Variants in PHF2 observed in about 807,000 individuals in gnomAD.
The protein encoded by PHF2 is lysine-specific demethylase PHF2.
Under a neutral mutation model 120.5 loss-of-function variants are expected in PHF2, and 27 were observed. The observed-to-expected ratio is 0.22, with a 90% CI of 0.17 to 0.31. The LOEUF (loss-of-function observed/expected upper bound fraction) is 0.31. Ranked by LOEUF, PHF2 falls within the 10% of genes least tolerant of loss-of-function variation. The pLI is 1.00. For synonymous variants in PHF2, 568 were observed against 592.5 expected, an observed-to-expected ratio of 0.96 and a Z score of 0.60; for missense variants, 1,024 against 1,434.8, an observed-to-expected ratio of 0.71 and a Z score of 4.63.
chr9:93,619,741 G>A (rs1389425433), intron 1 of PHF2, among the ~76,000 whole-genome samples: 6 of 152,284 alleles, frequency 3.9e-5, no homozygotes, highest in East Asian at 1.9e-4. Context: ...TTTGCACTTC[G>A]GCCAACAAGC....
At chr9:93,652,103 G>A (rs1322202871) in intron 5 of PHF2, among the ~76,000 whole-genome samples, 1 of 152,142 alleles carries the variant, frequency 6.6e-6, no homozygotes, top group African/African-American at 2.4e-5. Context: ...CTCTGCTTGT[G>A]ATTTGTGACA....
intron 2 of PHF2, among the ~76,000 whole-genome samples, chr9:93,635,939 C>T (rs755375971): frequency 7.2e-5 from 11 of 151,902 alleles, no homozygotes; most frequent in Non-Finnish European, 1.2e-4. Context: ...GGGGAGGAGA[C>T]GGAACAAGAT....
intron 1 of PHF2, among the ~76,000 whole-genome samples, chr9:93,577,332 C>T (rs1250281972): frequency 6.6e-6 from 1 of 151,828 alleles, no homozygotes; most frequent in East Asian, 2.0e-4. Flanking sequence ...GAGAAGCGGG[C>T]GCGCAGCCCG....
At chr9:93,589,777 C>T (rs974575170) in intron 1 of PHF2, among the ~76,000 whole-genome samples, 2 of 152,182 alleles carry the variant, frequency 1.3e-5, no homozygotes, top group African/African-American at 4.8e-5. Flanking sequence ...CCTGTCTCCC[C>T]GTTCTTCTCT....
At chr9:93,577,666 G>A (rs1448726915) in intron 1 of PHF2, among the ~76,000 whole-genome samples, 2 of 152,158 alleles carry the variant, frequency 1.3e-5, no homozygotes, top group Non-Finnish European at 2.9e-5. Context: ...CGGCAGGAAC[G>A]CCGGTTTTGA....
At chr9:93,610,955 T>C (rs896821684) in intron 1 of PHF2, among the ~76,000 whole-genome samples, 1 of 152,218 alleles carries the variant, frequency 6.6e-6, no homozygotes, top group African/African-American at 2.4e-5. Flanking sequence ...GTGTCCTTGT[T>C]TCACAGATCA....
chr9:93,612,360 T>G (rs1825651339), intron 1 of PHF2, among the ~76,000 whole-genome samples: 1 of 152,242 alleles, frequency 6.6e-6, no homozygotes, highest in Admixed American at 6.5e-5. Flanking sequence ...GAATGCTTGT[T>G]GGTCTGTGGC....
chr9:93,610,044 G>A (rs1213981137), intron 1 of PHF2, among the ~76,000 whole-genome samples: 3 of 147,386 alleles, frequency 2.0e-5, no homozygotes. Flanking sequence ...TTTTTTTGCG[G>A]TTTGAATGTG....
intron 1 of PHF2, among the ~76,000 whole-genome samples, chr9:93,598,250 G>A (rs1160459267): frequency 6.6e-6 from 1 of 152,218 alleles, no homozygotes; most frequent in Non-Finnish European, 1.5e-5. Context: ...CACTGTGGAC[G>A]GGTTATTTTG....
chr9:93,576,953 G>T (rs1862830310), intron 1 of PHF2, 82 bp downstream of exon 1: 7 of 507,380 alleles, frequency 1.4e-5, no homozygotes, highest in Non-Finnish European at 1.8e-5. Context: ...CCGGCTGCGC[G>T]CCCGCAGGCC....
chr9:93,588,935 C>T (rs10761238), intron 1 of PHF2, among the ~76,000 whole-genome samples: 44,793 of 151,960 alleles, frequency 0.29, 7,177 homozygotes, highest in Non-Finnish European at 0.36. Context: ...AGTCTCTGTT[C>T]GTGGCCCTGA....
Position 93,677,671 on chromosome 9 carries a change from C to T in PHF2, c.3286C>T (p.Leu1096Phe), listed in dbSNP as rs1193529756. 6.2e-7 allele frequency: 1 copy of T among 1,612,476 alleles called. No homozygotes were observed. The highest frequency in any genetic ancestry group is 2.2e-5 in the East Asian group (1 of 44,868). Residue 1096 changes from leucine to phenylalanine, a missense_variant, in exon 22 of 22, where the codon CTT becomes TTT. By Grantham distance (22) the Leu-to-Phe change is conservative (BLOSUM62 0). Around this residue, in one of 2 missense-constraint regions of PHF2, gnomAD observed 677 missense variants for 857.4 expected, o/e 0.79. Coordinates refer to ENST00000359246, the MANE Select transcript of PHF2 (RefSeq NM_005392.4). The surrounding 1 kb of genome is among the most constrained non-coding windows in gnomAD (Gnocchi z 4.4). Reference protein sequence around the residue: ...LKIHRNGKLLL With the variant: ...LKIHRNGKLLF ...AATTCATCGGAACGGGAAACTACTC[C>T]TTTAAGATTTGGAAAGCCAGGATCC...
rs746106760 is a variant in PHF2 at position 93,660,267 on chromosome 9, AAGG to A, written c.1411_1413del (p.Glu471del). 3 of 1,608,968 alleles carry A rather than the reference AAGG, an allele frequency of 1.9e-6. No individual in the cohort carries two copies. The highest frequency in any genetic ancestry group is 2.5e-6 in the Non-Finnish European group (3 of 1,178,540). On this transcript the variant is annotated inframe_deletion, in exon 12 of 22. Coordinates refer to ENST00000359246, the MANE Select transcript of PHF2 (RefSeq NM_005392.4). ...TGAGGTGTGTGACGGGGACCGGGAGAAGGAGGAGCCCCCGTCTCCCATTGAGGC... is the reference window on the plus strand; with the variant it reads ...TGAGGTGTGTGACGGGGACCGGGAGAAGGAGCCCCCGTCTCCCATTGAGGC...
chr9:93,636,742 C>T (rs2131663288), intron 3 of PHF2, among the ~76,000 whole-genome samples: 1 of 152,296 alleles, frequency 6.6e-6, no homozygotes, highest in Admixed American at 6.5e-5. Context: ...TCAGCACTTC[C>T]CTGGGGGTGG....
chr9:93,648,707 TA>T (rs1031839933), intron 4 of PHF2, among the ~76,000 whole-genome samples: 3 of 152,200 alleles, frequency 2.0e-5, no homozygotes, highest in African/African-American at 7.2e-5. Flanking sequence ...GCTTAATTTT[TA>T]AAATGTAGGT....
rs114768341 is a variant in PHF2, at chr9:93,584,410, T to C, written c.98+7539T>C. On this transcript the variant is annotated intron_variant, in intron 1 of 21. Coordinates refer to ENST00000359246, the MANE Select transcript of PHF2 (RefSeq NM_005392.4). ...TCTTAGGTTTTTGATCCATCTTCTG[T>C]TTATTTTTGTAATGATGGAAGGTAG... Among the ~76,000 whole-genome samples, 1,048 of 152,338 alleles carry C rather than the reference T, an allele frequency of 6.9e-3. 16 individuals are homozygous for C. The highest frequency in any genetic ancestry group is 0.024 in the African/African-American group (1,013 of 41,566).
chr9:93,674,802 C>T, intron 18 of PHF2, 125 bp from the exon 19 acceptor site: 2 of 662,454 alleles, frequency 3.0e-6, no homozygotes, highest in Non-Finnish European at 5.4e-6. Context: ...CACAGCGTGG[C>T]AGGCCTTAGT....
At chr9:93,630,326 G>A (rs1056172096) in intron 2 of PHF2, among the ~76,000 whole-genome samples, 5 of 152,260 alleles carry the variant, frequency 3.3e-5, no homozygotes, top group African/African-American at 1.2e-4. Context: ...CCTAGCGAGA[G>A]GCCAGGCCAG....
rs1043252499 is a variant in PHF2, at chr9:93,677,741, C to T, written c.*65C>T. On this transcript the variant is annotated 3_prime_UTR_variant, in exon 22 of 22. Transcript: ENST00000359246. This position sits in a 1 kb window ranked among gnomAD's most constrained non-coding sequence, Gnocchi z 4.4. ...CCCGGAGCCCCGCGAAAACATCTGC[C>T]TCCCAGGAGGGTGCCGAGCTGCCTC... is the stretch of plus-strand genomic sequence containing the variant. 16 of 1,270,894 alleles carry T rather than the reference C, an allele frequency of 1.3e-5. No homozygotes were observed. The highest frequency in any genetic ancestry group is 1.8e-5 in the Admixed American group (1 of 54,830). The allele number at this position is 1,270,894 out of a possible 1,614,324, so 78.7% of individuals were successfully genotyped here.
Sources: gnomAD v4.1 joint callset for allele counts (sites outside exome capture counted in the v4.1 genomes callset) on GRCh38, gnomAD v4.1.1 for gene constraint, gnomAD v4.1.1 regional missense constraint, Gnocchi (gnomAD v3.1) non-coding constraint, MANE v1.5 for transcripts, NCBI Gene and HGNC (gene_info 2026-07-23, HGNC 2026-07-21) for gene names.